TSHR: variants seen among roughly 807,000 people sequenced by gnomAD.
TSHR encodes thyroid stimulating hormone receptor, also known as thyrotropin receptor.
TSHR carries 51 observed loss-of-function variants against 64.1 expected under a neutral mutation model. The observed-to-expected ratio is 0.80, with a 90% CI of 0.64 to 1.01. TSHR has a LOEUF of 1.01. Among genes scored for constraint, TSHR ranks in the 50% least tolerant of loss-of-function variants. The pLI, the probability that TSHR is intolerant of heterozygous loss-of-function variation, is 0.00. For synonymous variants in TSHR, 361 were observed against 361.9 expected (o/e 1.00, Z 0.03); for missense variants, 877 against 942.8 (o/e 0.93, Z 0.91).
At chr14:81,032,689 C>A (rs1369184180) in intron 1 of TSHR, 21 of 428,654 alleles carry the variant, frequency 4.9e-5, no homozygotes. Context: ...GTTGGTGATG[C>A]ATACAAGAAG....
intron 1 of TSHR, among the ~76,000 whole-genome samples, chr14:81,018,606 G>C (rs1016485429): frequency 9.9e-5 from 15 of 152,264 alleles, no homozygotes; most frequent in African/African-American, 3.6e-4. Flanking sequence ...GAACAGGGAA[G>C]AAAAGGAAGA....
intron 7 of TSHR, chr14:81,107,096 G>GTAA (rs1281584792): frequency 1.3e-5 from 2 of 152,124 alleles, no homozygotes; most frequent in Non-Finnish European, 2.9e-5. Context: ...CTGGTGATTG[G>GTAA]TAAAACTCTT....
In TSHR at chr14:81,069,193, AT is replaced by A. The variant is rs549068194; in HGVS notation, c.317+868del. 1.9e-3 allele frequency among the ~76,000 whole-genome samples: 290 copies of A among 151,752 alleles called. 1 individual carries two copies. Among genetic ancestry groups the A allele is most frequent in the African/African-American group, 6.0e-3 (250 of 41,556 alleles). On this transcript the variant is annotated intron_variant, in intron 3 of 9. Coordinates refer to ENST00000298171, the MANE Select transcript of TSHR (RefSeq NM_000369.5). ...ACAACCCTGTGAAGTAAATACAATT[AT>A]TTCCATTATTTATATAAGAAAAACA...
chr14:80,957,285 C>A (rs145563337), intron 1 of TSHR, among the ~76,000 whole-genome samples: 4 of 152,092 alleles, frequency 2.6e-5, no homozygotes, highest in African/African-American at 7.2e-5. Context: ...GCTATACCCC[C>A]CTTCCCAACA....
At position 81,107,735 on chromosome 14, in the gene TSHR, C is replaced by T. The variant is rs149420443; in HGVS notation, c.615-640C>T. On this transcript the variant is annotated intron_variant, in intron 7 of 9. Coordinates refer to ENST00000298171, the MANE Select transcript of TSHR (RefSeq NM_000369.5). ...TTGGGTTGTCAGATCAAATACAGGC[C>T]ACCCAATACAATTTGAATTTCAGAT... 1.7e-4 allele frequency among the ~76,000 whole-genome samples: 26 copies of T among 152,232 alleles called. No individual in the cohort carries two copies. In the East Asian group the frequency reaches 4.8e-3, roughly 28 times the overall value.
chr14:81,024,936 C>T (rs999234671), intron 1 of TSHR, among the ~76,000 whole-genome samples: 1 of 152,150 alleles, frequency 6.6e-6, no homozygotes, highest in African/African-American at 2.4e-5. Flanking sequence ...TCACTTTTTA[C>T]TGTCATATGG....
chr14:81,070,488 A>C (rs1026111992), intron 3 of TSHR, among the ~76,000 whole-genome samples: 1 of 151,790 alleles, frequency 6.6e-6, no homozygotes. Context: ...TTTGCCGGGC[A>C]TGGTGGTGTG....
intron 1 of TSHR, among the ~76,000 whole-genome samples, chr14:80,960,072 A>G (rs1886937450): frequency 6.6e-6 from 1 of 152,234 alleles, no homozygotes; most frequent in Non-Finnish European, 1.5e-5. Context: ...TTAAAAAGGA[A>G]GCAAAGTAAG....
chr14:81,011,423 T>C (rs938302932), intron 1 of TSHR, among the ~76,000 whole-genome samples: 2 of 152,150 alleles, frequency 1.3e-5, no homozygotes, highest in African/African-American at 4.8e-5. Flanking sequence ...TACATCAGTT[T>C]CTTTTAATTT....
chr14:81,104,010 T>C (rs1645766797), intron 7 of TSHR: 2 of 985,466 alleles, frequency 2.0e-6, no homozygotes, highest in Non-Finnish European at 2.4e-6. Flanking sequence ...CACCACATCT[T>C]GGCACACTGG....
chr14:81,025,099 G>C (rs982261571), intron 1 of TSHR, among the ~76,000 whole-genome samples: 1 of 152,206 alleles, frequency 6.6e-6, no homozygotes, highest in African/African-American at 2.4e-5. Context: ...ATTGTATGCA[G>C]TAATGATTTA....
At chr14:80,971,436 A>C (rs1219352896) in intron 1 of TSHR, among the ~76,000 whole-genome samples, 1 of 152,226 alleles carries the variant, frequency 6.6e-6, no homozygotes, top group East Asian at 1.9e-4. Context: ...CTCTATTGAT[A>C]GGAATCAAGA....
At chr14:81,076,970 A>G (rs778694513) in intron 3 of TSHR, among the ~76,000 whole-genome samples, 9 of 152,064 alleles carry the variant, frequency 5.9e-5, no homozygotes, top group Non-Finnish European at 1.2e-4. Context: ...GAACAGTCCA[A>G]TATCTTTCTC....
At chr14:80,982,770 G>A (rs1888239172) in intron 1 of TSHR, 2 of 611,058 alleles carry the variant, frequency 3.3e-6, no homozygotes, top group Non-Finnish European at 5.6e-6. Context: ...CTTTGCCTGT[G>A]GCAACAGCCT....
At chr14:80,981,401 T>C (rs2300517) in intron 1 of TSHR, among the ~76,000 whole-genome samples, 25,144 of 152,022 alleles carry the variant, frequency 0.17, 2,371 homozygotes, top group East Asian at 0.43. Context: ...ATTCAGATCA[T>C]GGGGAAAGCA....
intron 3 of TSHR, among the ~76,000 whole-genome samples, chr14:81,081,504 A>T (rs1310795159): frequency 6.6e-6 from 1 of 152,142 alleles, no homozygotes; most frequent in Non-Finnish European, 1.5e-5. Flanking sequence ...TCCTTTTTGT[A>T]TGAATGTGTT....
chr14:81,066,280 T>C (rs1886603171), intron 2 of TSHR, among the ~76,000 whole-genome samples: 1 of 152,174 alleles, frequency 6.6e-6, no homozygotes, highest in Non-Finnish European at 1.5e-5. Flanking sequence ...GGAAACAAGT[T>C]GGCAGCCTTG....
chr14:81,026,074 A>G (rs1166518872), intron 1 of TSHR, among the ~76,000 whole-genome samples: 1 of 152,236 alleles, frequency 6.6e-6, no homozygotes, highest in Non-Finnish European at 1.5e-5. Flanking sequence ...AAATGAAGAC[A>G]CATGCAGACA....
intron 3 of TSHR, chr14:81,078,926 T>A (rs1030038094): frequency 3.3e-5 from 5 of 152,332 alleles, no homozygotes; most frequent in East Asian, 3.9e-4. Context: ...GGCATCCTGA[T>A]CCACAAAATT....
Sources: gnomAD v4.1 joint callset for allele counts (sites outside exome capture counted in the v4.1 genomes callset) on GRCh38, gnomAD v4.1.1 for gene constraint, MANE v1.5 for transcripts, NCBI Gene and HGNC (gene_info 2026-07-23, HGNC 2026-07-21) for gene names.